WNK3: variants seen among roughly 807,000 people sequenced by gnomAD.
WNK3 encodes the protein serine/threonine-protein kinase WNK3.
In WNK3, 18 loss-of-function variants were observed where a neutral mutation model predicts 116.7. The observed-to-expected ratio is 0.15, with a 90% CI of 0.11 to 0.23. The LOEUF is 0.23. Ranked by LOEUF, WNK3 falls within the 10% of genes least tolerant of loss-of-function variation. WNK3 has a pLI of 1.00. For synonymous variants in WNK3, 404 were observed against 469.4 expected (o/e 0.86, Z 1.80); for missense variants, 993 against 1,323.8 (o/e 0.75, Z 3.88).
intron 10 of WNK3, among the ~76,000 whole-genome samples, chrX:54,277,151 C>T (rs1417353179): frequency 1.8e-5 from 2 of 110,731 alleles, no homozygotes; most frequent in Non-Finnish European, 3.8e-5. Flanking sequence ...CCCTAAGACT[C>T]GGAACAAAGC....
intron 6 of WNK3, among the ~76,000 whole-genome samples, chrX:54,299,569 T>A (rs1226538588): frequency 9.8e-6 from 1 of 102,170 alleles, no homozygotes; most frequent in Non-Finnish European, 2.0e-5. Flanking sequence ...GGACTACAGG[T>A]GTGTGCCACC....
intron 7 of WNK3, among the ~76,000 whole-genome samples, chrX:54,297,222 CA>C (rs1488781321): frequency 9.0e-6 from 1 of 111,058 alleles, no homozygotes; most frequent in Non-Finnish European, 1.9e-5. Context: ...GTTTTCAAAA[CA>C]AAACAATATA....
At chrX:54,332,913 AT>A (rs782707280) in intron 2 of WNK3, among the ~76,000 whole-genome samples, 12 of 108,803 alleles carry the variant, frequency 1.1e-4, no homozygotes, top group African/African-American at 2.3e-4. Context: ...GCCATGATAG[AT>A]TTTTTTTTCT....
At chrX:54,211,673 G>T (rs1164235397) in intron 22 of WNK3, among the ~76,000 whole-genome samples, 1 of 109,548 alleles carries the variant, frequency 9.1e-6, no homozygotes, top group Admixed American at 9.9e-5. Flanking sequence ...GCGTGGTGGC[G>T]GGCGCCTGTA....
intron 22 of WNK3, among the ~76,000 whole-genome samples, chrX:54,222,394 AT>A (rs1206364956): frequency 2.1e-4 from 22 of 102,893 alleles, no homozygotes; most frequent in Admixed American, 2.1e-4. Flanking sequence ...TTAAAAAAAA[AT>A]TTTTTTTTTT....
At chrX:54,207,600 G>A (rs782386057) in intron 22 of WNK3, among the ~76,000 whole-genome samples, 1 of 97,896 alleles carries the variant, frequency 1.0e-5, no homozygotes, top group South Asian at 5.1e-4. Context: ...TGCAACCTCC[G>A]CTTCCCAGAT....
chrX:54,341,975 C>T (rs997027690), intron 1 of WNK3, among the ~76,000 whole-genome samples: 1 of 112,019 alleles, frequency 8.9e-6, no homozygotes, highest in African/African-American at 3.2e-5. Context: ...GATGTCCTGG[C>T]CAGGGCCAGT....
chrX:54,339,284 C>T (rs1557175993), intron 1 of WNK3, among the ~76,000 whole-genome samples: 1 of 110,894 alleles, frequency 9.0e-6, no homozygotes, highest in Non-Finnish European at 1.9e-5. Flanking sequence ...AGTAACTAGA[C>T]AGAAAATCAA....
intron 22 of WNK3, among the ~76,000 whole-genome samples, chrX:54,216,715 A>C (rs2067699946): frequency 8.9e-6 from 1 of 111,922 alleles, no homozygotes; most frequent in African/African-American, 3.2e-5. Flanking sequence ...TGTCTTACAA[A>C]CTGTCTGAAG....
intron 10 of WNK3, among the ~76,000 whole-genome samples, chrX:54,270,390 G>A (rs1198712247): frequency 1.6e-4 from 17 of 104,102 alleles, no homozygotes; most frequent in African/African-American, 5.9e-4. Flanking sequence ...GAGCCACAGC[G>A]CCCGGCCTCT....
intron 23 of WNK3, among the ~76,000 whole-genome samples, chrX:54,199,654 T>C (rs1211686695): frequency 1.8e-5 from 2 of 111,099 alleles, no homozygotes; most frequent in Non-Finnish European, 3.8e-5. Context: ...GCCAACATGG[T>C]GAAACCCTGT....
At chrX:54,244,131 G>A (rs1050475284) in intron 17 of WNK3, among the ~76,000 whole-genome samples, 2 of 111,488 alleles carry the variant, frequency 1.8e-5, no homozygotes, top group Non-Finnish European at 3.8e-5. Flanking sequence ...TTTTTGGGGT[G>A]ATGAAAAAGT....
intron 1 of WNK3, among the ~76,000 whole-genome samples, chrX:54,335,524 G>A (rs1236378291): frequency 2.7e-5 from 3 of 111,408 alleles, no homozygotes; most frequent in African/African-American, 9.8e-5. Context: ...GCAAAGTTAA[G>A]CCTGTATACT....
At chrX:54,296,257 G>C (rs989268220) in intron 7 of WNK3, among the ~76,000 whole-genome samples, 2 of 111,121 alleles carry the variant, frequency 1.8e-5, no homozygotes, top group African/African-American at 3.3e-5. Flanking sequence ...GCTTTAAGAT[G>C]ATCCCTCTTA....
intron 17 of WNK3, among the ~76,000 whole-genome samples, chrX:54,246,382 A>G (rs2068074481): frequency 9.0e-6 from 1 of 111,498 alleles, no homozygotes; most frequent in African/African-American, 3.2e-5. Flanking sequence ...GACATATCTG[A>G]GAACATAAGG....
At chrX:54,317,786 C>T (rs1557171329) in intron 2 of WNK3, among the ~76,000 whole-genome samples, 2 of 108,327 alleles carry the variant, frequency 1.8e-5, no homozygotes, top group African/African-American at 3.4e-5. Flanking sequence ...CACGTGCCAC[C>T]ATGCCCGGCA....
exon 17 of WNK3, chrX:54,249,229 T>C: frequency 5.8e-6 from 7 of 1,212,016 alleles, no homozygotes; most frequent in Non-Finnish European, 7.8e-6. Context: ...GGTTTGAGGC[T>C]TTTGATCAAA....
At chrX:54,217,491 G>A (rs782373649) in intron 22 of WNK3, among the ~76,000 whole-genome samples, 8 of 108,742 alleles carry the variant, frequency 7.4e-5, no homozygotes, top group South Asian at 4.0e-4. Flanking sequence ...GTGTGGTGGC[G>A]TGTGCCTGTG....
At chrX:54,346,034 CTT>C (rs1557177489) in intron 1 of WNK3, among the ~76,000 whole-genome samples, 1 of 106,950 alleles carries the variant, frequency 9.4e-6, no homozygotes, top group East Asian at 2.9e-4. Context: ...TCACTTAAAC[CTT>C]TGTGTTTTTT....
Sources: gnomAD v4.1 joint callset for allele counts (sites outside exome capture counted in the v4.1 genomes callset) on GRCh38, gnomAD v4.1.1 for gene constraint, MANE v1.5 for transcripts, NCBI Gene and HGNC (gene_info 2026-07-23, HGNC 2026-07-21) for gene names.